PAXIP1: variants seen among roughly 807,000 people sequenced by gnomAD.
PAXIP1 encodes the protein PAX-interacting protein 1.
In PAXIP1, 19 loss-of-function variants were observed where a neutral mutation model predicts 140.6. The observed-to-expected ratio is 0.14, with a 90% confidence interval of 0.09 to 0.20. The LOEUF is 0.20. PAXIP1 is among the 10% of genes least tolerant of loss of function. The probability of loss-of-function intolerance (pLI) is 1.00; values close to 1 mark genes in which losing one functional copy is unlikely to be tolerated. For missense variants in PAXIP1, 920 were observed against 1,208.6 expected (o/e 0.76, Z 3.54); for synonymous variants, 442 against 444.6 (o/e 0.99, Z 0.07).
rs1035211051 is a variant in PAXIP1 at position 154,973,832 on chromosome 7, G to T, written c.1074+1864C>A. ...TGGAGAATACTGGATCCGGCTTCAG[G>T]TTGTTCCTATATGCTACAGAGCCAT... On this transcript the variant is annotated intron_variant, in intron 6 of 20. Transcript: ENST00000404141. The surrounding 1 kb of genome is among the most constrained non-coding windows in gnomAD (Gnocchi z 4.0). 2.0e-5 allele frequency among the ~76,000 whole-genome samples: 3 copies of T among 152,212 alleles called. No homozygotes were observed. The highest frequency in any genetic ancestry group is 2.9e-5 in the Non-Finnish European group (2 of 68,042).
chr7:154,955,644 TA>T lies in PAXIP1; in HGVS notation c.2550-14del. 2 of 1,417,600 alleles carry T rather than the reference TA, an allele frequency of 1.4e-6. No individual in the cohort carries two copies. Among genetic ancestry groups the T allele is most frequent in the Non-Finnish European group, 1.9e-6 (2 of 1,032,494 alleles). 87.8% of individuals were successfully genotyped at this position (1,417,600 alleles called of 1,614,324 possible). The stretch of plus-strand genomic sequence containing the variant: ...TACGTCTTCAATTCTGTGGAAGAAA[TA>T]CACATAAAATAGTAGTGATTTCATA... On this transcript the variant is annotated splice_polypyrimidine_tract_variant and intron_variant, in intron 14 of 20. Transcript: ENST00000404141.
At chr7:154,968,000 CTGTTA>C in intron 7 of PAXIP1, 90 bp from the exon 8 acceptor site, 1 of 774,984 alleles carries the variant, frequency 1.3e-6, no homozygotes, top group African/African-American at 1.7e-5. Flanking sequence ...CAATGTCAAT[CTGTTA>C]TGTTTATCAG....
intron 6 of PAXIP1, among the ~76,000 whole-genome samples, chr7:154,971,943 GC>G (rs1809350764): frequency 6.6e-6 from 1 of 152,050 alleles, no homozygotes; most frequent in Non-Finnish European, 1.5e-5. Flanking sequence ...GAAAATCTCC[GC>G]AATTCTTCTC....
chr7:154,983,448 A>C (rs1809932914), intron 4 of PAXIP1, 116 bp from the exon 5 acceptor site: 1 of 616,960 alleles, frequency 1.6e-6, no homozygotes, highest in Non-Finnish European at 2.9e-6. Context: ...AAATTAACCT[A>C]AGAATATTTG....
intron 6 of PAXIP1, among the ~76,000 whole-genome samples, chr7:154,970,806 G>T (rs1333350159): frequency 6.6e-6 from 1 of 152,204 alleles, no homozygotes; most frequent in Non-Finnish European, 1.5e-5. Flanking sequence ...GGGTGGGAGG[G>T]GGGCTGAGAG....
At chr7:154,966,067 A>C (rs1227254732) in intron 8 of PAXIP1, among the ~76,000 whole-genome samples, 1 of 152,176 alleles carries the variant, frequency 6.6e-6, no homozygotes, top group Non-Finnish European at 1.5e-5. Context: ...CCTGGCTACC[A>C]TGTTTCACTC....
chr7:154,967,963 G>C lies in PAXIP1; in HGVS notation c.1799-53C>G, dbSNP rs1809097089. On this transcript the variant is annotated intron_variant, in intron 7 of 20. Transcript: ENST00000404141. ...AAATTAAAACCCTATGAATATGCTT[G>C]CACAAAAGTTAAAAAGTGGCGCCTC... 4 of 1,195,312 alleles carry C rather than the reference G, an allele frequency of 3.3e-6. No homozygotes were observed. The South Asian group carries it at 5.4e-5, about 16-fold the overall frequency. The allele number at this position is 1,195,312 out of a possible 1,614,324, so 74.0% of individuals were successfully genotyped here.
chr7:154,972,773 G>A (rs537852611), intron 6 of PAXIP1, among the ~76,000 whole-genome samples: 5 of 152,228 alleles, frequency 3.3e-5, no homozygotes, highest in East Asian at 3.9e-4. Flanking sequence ...CTGCGTGGCC[G>A]CAGTCTTCCT....
chr7:154,978,178 T>C (rs780750849), intron 5 of PAXIP1, among the ~76,000 whole-genome samples: 1 of 152,230 alleles, frequency 6.6e-6, no homozygotes, highest in Non-Finnish European at 1.5e-5. Context: ...CCTATTCAGA[T>C]CTCCCCAGTA....
chr7:154,944,359 C>G, intron 20 of PAXIP1, 195 bp from the exon 21 acceptor site: 1 of 515,114 alleles, frequency 1.9e-6, no homozygotes, highest in South Asian at 2.5e-5. Flanking sequence ...CACAGGCTCA[C>G]TCAGCCCGGG....
At chr7:154,991,297 T>A (rs1024488326) in intron 3 of PAXIP1, among the ~76,000 whole-genome samples, 73 of 152,210 alleles carry the variant, frequency 4.8e-4, no homozygotes, top group African/African-American at 1.7e-3. Flanking sequence ...TCTCTCCACT[T>A]ATATCATAAA....
intron 8 of PAXIP1, chr7:154,964,047 C>T: frequency 2.7e-6 from 1 of 375,152 alleles, no homozygotes; most frequent in Non-Finnish European, 5.1e-6. Context: ...GTAACTGCCA[C>T]TCTGGACCAG....
chr7:154,972,727 T>C (rs957940125), intron 6 of PAXIP1, among the ~76,000 whole-genome samples: 2 of 152,310 alleles, frequency 1.3e-5, no homozygotes, highest in African/African-American at 4.8e-5. Flanking sequence ...TTACGGCCCA[T>C]ATCTCGCATA....
chr7:154,985,438 C>T (rs559070449), intron 4 of PAXIP1, among the ~76,000 whole-genome samples: 7 of 152,160 alleles, frequency 4.6e-5, no homozygotes, highest in African/African-American at 1.4e-4. Context: ...ACTGCCCCCA[C>T]GTGCACCTGC....
chr7:154,967,867 C>T lies in PAXIP1; in HGVS notation c.1842G>A (p.Ala614=), dbSNP rs765990295. 6.2e-7 allele frequency: 1 copy of T among 1,613,668 alleles called. No individual in the cohort carries two copies. Among genetic ancestry groups the T allele is most frequent in the Non-Finnish European group, 8.5e-7 (1 of 1,179,728 alleles). ...TATCAGACATCTGCTCTGGATAATC[C>T]GCAATTGCAAACACACATCCCAATA... ...GFLLGCVFAI[A]DYPEQMSDKQ... is the part of the protein sequence containing the mutation. The change falls in exon 8 of 21, where the codon GCG becomes GCA. Residue 614 remains alanine, a synonymous_variant. Coordinates refer to ENST00000404141, the MANE Select transcript of PAXIP1 (RefSeq NM_007349.4).
At chr7:154,951,688 GT>G (rs1808278629) in intron 16 of PAXIP1, 1 of 152,140 alleles carries the variant, frequency 6.6e-6, no homozygotes, top group Admixed American at 6.5e-5. Flanking sequence ...AATAGGAACT[GT>G]AAACTTTATA....
chr7:154,996,399 T>C (rs1810612917), intron 2 of PAXIP1, among the ~76,000 whole-genome samples: 1 of 152,204 alleles, frequency 6.6e-6, no homozygotes, highest in Admixed American at 6.5e-5. Context: ...GGGAAAAAGT[T>C]GGGTTTGAAT....
chr7:154,957,508 C>T (rs913523527), intron 13 of PAXIP1, among the ~76,000 whole-genome samples: 2 of 152,192 alleles, frequency 1.3e-5, no homozygotes, highest in African/African-American at 4.8e-5. Context: ...ACCTCTGTAT[C>T]GTTTTTTTGT....
intron 20 of PAXIP1, chr7:154,945,569 C>G: frequency 1.0e-6 from 1 of 985,418 alleles, no homozygotes; most frequent in Non-Finnish European, 1.2e-6. Flanking sequence ...GAAAGGTCCA[C>G]TGAGGTTGAC....
Sources: gnomAD v4.1 joint callset for allele counts (sites outside exome capture counted in the v4.1 genomes callset) on GRCh38, gnomAD v4.1.1 for gene constraint, Gnocchi (gnomAD v3.1) non-coding constraint, MANE v1.5 for transcripts, NCBI Gene and HGNC (gene_info 2026-07-23, HGNC 2026-07-21) for gene names.